Variants in PDE10A observed in about 807,000 individuals in gnomAD.
PDE10A encodes cAMP and cAMP-inhibited cGMP 3',5'-cyclic phosphodiesterase 10A.
A neutral mutation model predicts 97.7 loss-of-function variants in PDE10A; 39 were observed. That is an observed-to-expected ratio of 0.40 (90% confidence interval 0.31 to 0.52). PDE10A has a LOEUF of 0.52. PDE10A is among the 20% of genes least tolerant of loss of function. The probability of loss-of-function intolerance (pLI) is 0.56; values close to 1 mark genes in which losing one functional copy is unlikely to be tolerated. For missense variants in PDE10A, 731 were observed against 1,047.8 expected (o/e 0.70, Z 4.17); for synonymous variants, 371 against 376.8 (o/e 0.98, Z 0.18).
intron 2 of PDE10A, among the ~76,000 whole-genome samples, chr6:165,519,316 C>A (rs1318718961): frequency 2.6e-5 from 4 of 152,160 alleles, no homozygotes; most frequent in African/African-American, 9.6e-5. Flanking sequence ...AAACAAAAAT[C>A]TAAAAGAGTT....
intron 1 of PDE10A, among the ~76,000 whole-genome samples, chr6:165,636,625 C>A (rs1788889989): frequency 6.6e-6 from 1 of 152,194 alleles, no homozygotes. Context: ...CAGCTTCCCA[C>A]CCTAAATGCA....
At chr6:165,591,833 C>T (rs1395238393) in intron 1 of PDE10A, among the ~76,000 whole-genome samples, 1 of 152,092 alleles carries the variant, frequency 6.6e-6, no homozygotes, top group Non-Finnish European at 1.5e-5. Flanking sequence ...TAAAGCTGAC[C>T]TATTCATTCA....
intron 1 of PDE10A, among the ~76,000 whole-genome samples, chr6:165,917,226 C>T (rs753402684): frequency 6.6e-6 from 1 of 152,258 alleles, no homozygotes; most frequent in Non-Finnish European, 1.5e-5. Context: ...TAAAGAAAAC[C>T]CTTCCCTAGG....
intron 5 of PDE10A, among the ~76,000 whole-genome samples, chr6:165,444,283 G>C (rs1337641589): frequency 6.6e-6 from 1 of 152,014 alleles, no homozygotes; most frequent in Non-Finnish European, 1.5e-5. Context: ...AGTCATTATA[G>C]GAATCCCATG....
In PDE10A at chr6:165,692,278, C is replaced by A. The variant is rs562714146; in HGVS notation, c.-614-148710G>T. 7.9e-5 allele frequency among the ~76,000 whole-genome samples: 12 copies of A among 152,260 alleles called. No individual in the cohort carries two copies. The East Asian group carries it at 1.4e-3, about 17-fold the overall frequency. ...CCTCCATGGTGAGATTATAAAGGAG[C>A]CTGAGGCTGGGATCAAGCGTGCTAA... On this transcript the variant is annotated intron_variant, in intron 1 of 19. Coordinates refer to the PDE10A transcript ENST00000366882.
At chr6:165,659,711 T>C (rs1790141197) in intron 1 of PDE10A, among the ~76,000 whole-genome samples, 1 of 152,260 alleles carries the variant, frequency 6.6e-6, no homozygotes, top group Non-Finnish European at 1.5e-5. Flanking sequence ...AGTTCCCTGA[T>C]GAGTCTGGTT....
chr6:165,974,060 C>T (rs957538013), intron 1 of PDE10A, among the ~76,000 whole-genome samples: 2 of 152,164 alleles, frequency 1.3e-5, no homozygotes, highest in Non-Finnish European at 2.9e-5. Context: ...ATATCAATTA[C>T]AAGTTTGAAA....
intron 21 of PDE10A, among the ~76,000 whole-genome samples, chr6:165,334,820 G>A (rs1019743011): frequency 1.3e-5 from 2 of 151,878 alleles, no homozygotes; most frequent in South Asian, 2.1e-4. Context: ...AGGAGAAACC[G>A]TTTCTTAAAT....
intron 1 of PDE10A, among the ~76,000 whole-genome samples, chr6:165,844,516 C>G (rs1780353986): frequency 6.6e-6 from 1 of 152,300 alleles, no homozygotes; most frequent in Middle Eastern, 3.4e-3. Context: ...CAGTACTTAA[C>G]ACCCTCTAAT....
chr6:165,556,539 T>C (rs756274256), intron 1 of PDE10A, among the ~76,000 whole-genome samples: 8 of 152,200 alleles, frequency 5.3e-5, no homozygotes, highest in Non-Finnish European at 1.2e-4. Flanking sequence ...AGATATGTTA[T>C]TACATTATAT....
At chr6:165,798,224 T>C (rs1316509513) in intron 1 of PDE10A, among the ~76,000 whole-genome samples, 1 of 152,240 alleles carries the variant, frequency 6.6e-6, no homozygotes, top group Non-Finnish European at 1.5e-5. Flanking sequence ...CGAAAGTTCC[T>C]AATTGTATTC....
intron 1 of PDE10A, among the ~76,000 whole-genome samples, chr6:165,984,215 C>T (rs1199175414): frequency 1.3e-5 from 2 of 152,206 alleles, no homozygotes; most frequent in Non-Finnish European, 2.9e-5. Context: ...TCTCTGAGTA[C>T]TATGGATATA....
At chr6:165,643,337 C>T (rs977495289) in intron 1 of PDE10A, among the ~76,000 whole-genome samples, 1 of 151,986 alleles carries the variant, frequency 6.6e-6, no homozygotes. Flanking sequence ...GTGGATGGAG[C>T]CTTGCCATGG....
rs59814378 is a variant in PDE10A, at chr6:165,764,541, G to GATGCTCAGAT, written c.-614-220974_-614-220973insATCTGAGCAT. ...GGTGTGTCTGGAGTTTGTTCCTTCTGGTGTTCGGAGTTTCTTCTTTCTGGT... is the reference window on the plus strand; with the variant it reads ...GGTGTGTCTGGAGTTTGTTCCTTCTGATGCTCAGATGTGTTCGGAGTTTCTTCTTTCTGGT... On this transcript the variant is annotated intron_variant, in intron 1 of 19. Transcript: ENST00000366882. 1.1e-4 allele frequency among the ~76,000 whole-genome samples: 16 copies of GATGCTCAGAT among 151,888 alleles called. No individual in the cohort carries two copies. In the South Asian group the frequency reaches 1.3e-3, roughly 12 times the overall value.
intron 13 of PDE10A, among the ~76,000 whole-genome samples, chr6:165,399,495 A>G (rs1027043247): frequency 6.6e-6 from 1 of 152,198 alleles, no homozygotes; most frequent in East Asian, 1.9e-4. Flanking sequence ...GGTTTGTTAC[A>G]TATGTATACA....
At chr6:165,545,195 T>C (rs1355507484) in intron 1 of PDE10A, 4 of 504,404 alleles carry the variant, frequency 7.9e-6, no homozygotes, top group Admixed American at 6.4e-5. Context: ...ATCCTAACTT[T>C]CTAACTGCTC....
At chr6:165,882,423 A>G (rs563543762) in intron 1 of PDE10A, among the ~76,000 whole-genome samples, 216 of 152,316 alleles carry the variant, frequency 1.4e-3, no homozygotes, top group Non-Finnish European at 2.7e-3. Context: ...AACCAAGCAT[A>G]AAAGTAAGTT....
At chr6:165,441,053 A>G (rs1029151229) in intron 5 of PDE10A, among the ~76,000 whole-genome samples, 1 of 152,220 alleles carries the variant, frequency 6.6e-6, no homozygotes, top group Admixed American at 6.5e-5. Flanking sequence ...TGTCTATAGC[A>G]GACATTGCTA....
At chr6:165,954,024 G>A (rs1474871386) in intron 1 of PDE10A, among the ~76,000 whole-genome samples, 1 of 152,138 alleles carries the variant, frequency 6.6e-6, no homozygotes, top group Non-Finnish European at 1.5e-5. Context: ...TTTCCAGATT[G>A]CTTCTTTCAC....
Sources: allele counts gnomAD v4.1 joint callset (sites outside exome capture counted in the v4.1 genomes callset), GRCh38; gene constraint gnomAD v4.1.1; transcripts MANE v1.5; gene names NCBI Gene and HGNC (gene_info 2026-07-23, HGNC 2026-07-21).